SPOCK3: variants seen among roughly 807,000 people sequenced by gnomAD.
SPOCK3 encodes the protein SPARC (osteonectin), cwcv and kazal like domains proteoglycan 3.
A neutral mutation model predicts 56.6 loss-of-function variants in SPOCK3; 30 were observed. The ratio of observed to expected loss-of-function variants is 0.53; its 90% CI spans 0.40 to 0.72. SPOCK3 has a LOEUF of 0.72. Among genes scored for constraint, SPOCK3 ranks in the 30% least tolerant of loss-of-function variants. The pLI, the probability that SPOCK3 is intolerant of heterozygous loss-of-function variation, is 0.00. For synonymous variants in SPOCK3, 196 were observed against 183.3 expected, an observed-to-expected ratio of 1.07 and a Z score of -0.56; for missense variants, 527 against 530.0, an observed-to-expected ratio of 0.99 and a Z score of 0.06.
At chr4:166,851,196 T>C (rs527881406) in intron 6 of SPOCK3, among the ~76,000 whole-genome samples, 73 of 152,166 alleles carry the variant, frequency 4.8e-4, no homozygotes, top group Middle Eastern at 6.8e-3. Flanking sequence ...AGGCACTCCC[T>C]AGCAGGGGCA....
intron 3 of SPOCK3, 51 bp from the exon 4 acceptor site, chr4:167,000,514 T>C (rs771788181): frequency 2.3e-6 from 2 of 862,644 alleles, no homozygotes; most frequent in African/African-American, 3.4e-5. Context: ...AAAATGGAGG[T>C]ATCAAATCCC....
At chr4:166,800,700 T>G (rs535785106) in intron 6 of SPOCK3, among the ~76,000 whole-genome samples, 41 of 152,272 alleles carry the variant, frequency 2.7e-4, no homozygotes, top group African/African-American at 9.4e-4. Context: ...AAATATACAG[T>G]ATCAAAAAGT....
chr4:166,826,355 C>G (rs542796491), intron 6 of SPOCK3, among the ~76,000 whole-genome samples: 2 of 152,144 alleles, frequency 1.3e-5, no homozygotes, highest in Non-Finnish European at 2.9e-5. Context: ...TAAGCAACTT[C>G]TTAGCGGCAT....
intron 6 of SPOCK3, among the ~76,000 whole-genome samples, chr4:166,811,320 T>C (rs1374077577): frequency 1.3e-5 from 2 of 151,806 alleles, no homozygotes; most frequent in Non-Finnish European, 2.9e-5. Context: ...ACTCTTCTTT[T>C]TTTTTTACAT....
chr4:166,936,768 T>G (rs1740451550), intron 4 of SPOCK3, among the ~76,000 whole-genome samples: 1 of 152,120 alleles, frequency 6.6e-6, no homozygotes, highest in South Asian at 2.1e-4. Context: ...CTGATTCTTA[T>G]TCTACTGTCT....
At chr4:167,210,657 T>C (rs1463964063) in intron 2 of SPOCK3, among the ~76,000 whole-genome samples, 1 of 152,212 alleles carries the variant, frequency 6.6e-6, no homozygotes, top group Non-Finnish European at 1.5e-5. Context: ...TGATATATTT[T>C]AGCAATTTAT....
intron 6 of SPOCK3, among the ~76,000 whole-genome samples, chr4:166,843,613 T>G (rs1747739918): frequency 6.6e-6 from 1 of 152,138 alleles, no homozygotes; most frequent in African/African-American, 2.4e-5. Context: ...AAGACAGCCC[T>G]GAGACTCCCA....
At chr4:166,991,341 T>A (rs202049910) in intron 4 of SPOCK3, among the ~76,000 whole-genome samples, 9 of 89,580 alleles carry the variant, frequency 1.0e-4, no homozygotes, top group African/African-American at 3.7e-4. Flanking sequence ...CTTTTTGTTT[T>A]TATATTTATT....
chr4:167,037,683 A>G (rs775447880), intron 3 of SPOCK3, among the ~76,000 whole-genome samples: 5 of 152,132 alleles, frequency 3.3e-5, no homozygotes, highest in Non-Finnish European at 7.4e-5. Context: ...GCTGGGGCCA[A>G]ATGGAAGAGA....
intron 4 of SPOCK3, among the ~76,000 whole-genome samples, chr4:166,991,045 G>T (rs1327773587): frequency 6.6e-6 from 1 of 152,034 alleles, no homozygotes; most frequent in African/African-American, 2.4e-5. Context: ...TTTTGTTACA[G>T]CTTGTGGATC....
rs940920655 is a variant in SPOCK3 at position 166,792,095 on chromosome 4, T to C, written c.709+75A>G. On this transcript the variant is annotated intron_variant, in intron 7 of 10. Coordinates refer to ENST00000357545, the MANE Select transcript of SPOCK3 (RefSeq NM_001040159.2). ...AGTGAATAAATACTGAAATATGTGTTTTGTTCTAAGTGGTTCATTGGAAAT... is the reference window on the plus strand; with the variant it reads ...AGTGAATAAATACTGAAATATGTGTCTTGTTCTAAGTGGTTCATTGGAAAT... The C allele has an allele frequency of 3.9e-6, 6 of 1,546,628 alleles. No individual in the cohort carries two copies. In the African/African-American group the frequency reaches 4.1e-5, roughly 11 times the overall value.
chr4:166,750,389 T>A (rs1234359195), intron 8 of SPOCK3, among the ~76,000 whole-genome samples: 1 of 152,132 alleles, frequency 6.6e-6, no homozygotes, highest in Non-Finnish European at 1.5e-5. Flanking sequence ...CATGGATTCA[T>A]CTCATAAGAT....
chr4:167,036,531 CTGT>C (rs1429341363), intron 3 of SPOCK3, among the ~76,000 whole-genome samples: 1 of 152,166 alleles, frequency 6.6e-6, no homozygotes, highest in Non-Finnish European at 1.5e-5. Flanking sequence ...TCATTTTAGG[CTGT>C]TATTTAGTGG....
At chr4:167,056,264 TAACA>T (rs1754847289) in intron 3 of SPOCK3, among the ~76,000 whole-genome samples, 1 of 152,070 alleles carries the variant, frequency 6.6e-6, no homozygotes, top group Non-Finnish European at 1.5e-5. Flanking sequence ...GAAGGAAAAC[TAACA>T]AACAGAAACC....
intron 7 of SPOCK3, among the ~76,000 whole-genome samples, chr4:166,785,305 G>A (rs1350334440): frequency 6.6e-6 from 1 of 151,994 alleles, no homozygotes; most frequent in Non-Finnish European, 1.5e-5. Flanking sequence ...GGTGTCGATT[G>A]TTAAAAAATA....
At chr4:166,880,369 T>C (rs1733564165) in intron 6 of SPOCK3, among the ~76,000 whole-genome samples, 1 of 152,150 alleles carries the variant, frequency 6.6e-6, no homozygotes, top group Non-Finnish European at 1.5e-5. Context: ...AGATTCTTCT[T>C]CCTTTTCTGA....
chr4:167,075,502 T>A (rs1757105453), intron 2 of SPOCK3, among the ~76,000 whole-genome samples: 1 of 151,928 alleles, frequency 6.6e-6, no homozygotes, highest in African/African-American at 2.4e-5. Context: ...CTGATAAAAA[T>A]CTACGAATTC....
chr4:167,152,857 GA>G (rs567165109), intron 2 of SPOCK3, among the ~76,000 whole-genome samples: 151 of 152,026 alleles, frequency 9.9e-4, no homozygotes, highest in African/African-American at 3.3e-3. Flanking sequence ...AATATACTGA[GA>G]AAAAAATTAA....
intron 2 of SPOCK3, among the ~76,000 whole-genome samples, chr4:167,139,494 A>G (rs1176639816): frequency 6.6e-6 from 1 of 152,050 alleles, no homozygotes; most frequent in African/African-American, 2.4e-5. Context: ...AGTATGAAAT[A>G]GAAACACATG....
Sources: gnomAD v4.1 joint callset for allele counts (sites outside exome capture counted in the v4.1 genomes callset) on GRCh38, gnomAD v4.1.1 for gene constraint, MANE v1.5 for transcripts, NCBI Gene and HGNC (gene_info 2026-07-23, HGNC 2026-07-21) for gene names.